The following BMPR1B variants were observed in gnomAD, a reference collection of about 807,000 sequenced individuals.
The protein encoded by BMPR1B is bone morphogenetic protein receptor type-1B.
Under a neutral mutation model 59.1 loss-of-function variants are expected in BMPR1B, and 12 were observed. The observed-to-expected ratio is 0.20, with a 90% CI of 0.13 to 0.33. BMPR1B has a LOEUF of 0.33. Ranked by LOEUF, BMPR1B falls within the 10% of genes least tolerant of loss-of-function variation. The pLI is 1.00. For missense variants in BMPR1B, 550 were observed against 610.9 expected (o/e 0.90, Z 1.05); for synonymous variants, 237 against 207.3 (o/e 1.14, Z -1.23).
chr4:94,844,833 T>G (rs556982063), intron 1 of BMPR1B, among the ~76,000 whole-genome samples: 53 of 152,350 alleles, frequency 3.5e-4, no homozygotes, highest in African/African-American at 1.3e-3. Context: ...ACTGGATAAT[T>G]GTCAGTGAAT....
chr4:94,950,470 G>A (rs779668659), intron 2 of BMPR1B, among the ~76,000 whole-genome samples: 5 of 152,102 alleles, frequency 3.3e-5, no homozygotes, highest in African/African-American at 7.2e-5. Context: ...TTTTGTTTAA[G>A]GTGTAAGGAA....
intron 3 of BMPR1B, among the ~76,000 whole-genome samples, chr4:95,019,070 A>G (rs1330527669): frequency 3.9e-5 from 6 of 152,148 alleles, no homozygotes; most frequent in East Asian, 1.9e-4. Context: ...AAGTTTTGCA[A>G]CTGTCGAATA....
In BMPR1B at chr4:94,882,230, C is replaced by T. The variant is rs141259216; in HGVS notation, c.-113+6330C>T. 3.9e-5 allele frequency among the ~76,000 whole-genome samples: 6 copies of T among 152,036 alleles called. No individual in the cohort carries two copies. The East Asian group carries it at 9.7e-4, about 25-fold the overall frequency. On this transcript the variant is annotated intron_variant, in intron 2 of 12. Coordinates refer to ENST00000515059, the MANE Select transcript of BMPR1B (RefSeq NM_001203.3). ...TTCCCCTTCCATAGAGGAATATTTT[C>T]TTCATAGCACGCAGAGGGAACATGA...
intron 3 of BMPR1B, among the ~76,000 whole-genome samples, chr4:95,099,817 C>A (rs1730696347): frequency 6.6e-6 from 1 of 152,110 alleles, no homozygotes; most frequent in Non-Finnish European, 1.5e-5. Flanking sequence ...TTAGGCATTA[C>A]CTTTGACTTT....
intron 8 of BMPR1B, among the ~76,000 whole-genome samples, chr4:95,127,610 G>A (rs1446971556): frequency 6.6e-6 from 1 of 151,978 alleles, no homozygotes; most frequent in Non-Finnish European, 1.5e-5. Flanking sequence ...ATTTCCCTGT[G>A]TATGAATTTG....
At chr4:95,134,783 T>C (rs1319932780) in intron 10 of BMPR1B, among the ~76,000 whole-genome samples, 1 of 152,216 alleles carries the variant, frequency 6.6e-6, no homozygotes, top group African/African-American at 2.4e-5. Context: ...GATGAGTAGA[T>C]TGCAAAGATT....
At chr4:94,993,826 T>C (rs1237514482) in intron 2 of BMPR1B, among the ~76,000 whole-genome samples, 2 of 147,696 alleles carry the variant, frequency 1.4e-5, no homozygotes. Flanking sequence ...TATTAAAATA[T>C]GTAAAAATTC....
intron 3 of BMPR1B, among the ~76,000 whole-genome samples, chr4:95,095,513 A>G (rs966370270): frequency 2.6e-5 from 4 of 152,158 alleles, no homozygotes; most frequent in African/African-American, 9.6e-5. Flanking sequence ...AAACTTGTGT[A>G]ATATGAATTT....
intron 2 of BMPR1B, among the ~76,000 whole-genome samples, chr4:94,954,124 GTTC>G (rs1397252730): frequency 6.6e-6 from 1 of 152,040 alleles, no homozygotes; most frequent in East Asian, 1.9e-4. Context: ...GGTCTTTTAT[GTTC>G]TTCTCTAAAC....
intron 3 of BMPR1B, among the ~76,000 whole-genome samples, chr4:95,088,803 A>AT (rs374087605): frequency 6.6e-6 from 1 of 152,032 alleles, no homozygotes; most frequent in African/African-American, 2.4e-5. Context: ...GAAAAAAAAA[A>AT]GCTATGAGAC....
Position 95,087,655 on chromosome 4 carries a change from A to G in BMPR1B, c.-17-16753A>G, listed in dbSNP as rs577842820. ...GCTGAGGTGGGAGGATCACTTAAGC[A>G]CGGGAGATTGAGGCTGCAGTTAGCT... On this transcript the variant is annotated intron_variant, in intron 3 of 12. Coordinates refer to ENST00000515059, the MANE Select transcript of BMPR1B (RefSeq NM_001203.3). Among the ~76,000 whole-genome samples the G allele has an allele frequency of 3.5e-3, 536 of 152,198 alleles. 1 individual carries two copies. Among genetic ancestry groups the G allele is most frequent in the Non-Finnish European group, 6.1e-3 (418 of 67,990 alleles).
At chr4:94,818,816 A>G (rs539193601) in intron 1 of BMPR1B, among the ~76,000 whole-genome samples, 1 of 152,262 alleles carries the variant, frequency 6.6e-6, no homozygotes, top group South Asian at 2.1e-4. Context: ...GATGTATAGA[A>G]AAGAATATCA....
At chr4:95,094,801 A>G (rs1208610755) in intron 3 of BMPR1B, among the ~76,000 whole-genome samples, 1 of 152,104 alleles carries the variant, frequency 6.6e-6, no homozygotes, top group Non-Finnish European at 1.5e-5. Flanking sequence ...TCACTCCTGC[A>G]TAGCATGTCC....
At chr4:95,073,298 G>A (rs1728460632) in intron 3 of BMPR1B, among the ~76,000 whole-genome samples, 1 of 152,130 alleles carries the variant, frequency 6.6e-6, no homozygotes, top group African/African-American at 2.4e-5. Flanking sequence ...TGGCAACTAG[G>A]AAACATTCAA....
At chr4:94,824,608 A>G (rs1328177671) in intron 1 of BMPR1B, among the ~76,000 whole-genome samples, 4 of 152,214 alleles carry the variant, frequency 2.6e-5, no homozygotes, top group African/African-American at 9.6e-5. Context: ...TTTACTGTCT[A>G]TATGACATTT....
chr4:95,070,413 G>A (rs915815568), intron 3 of BMPR1B, among the ~76,000 whole-genome samples: 17 of 152,124 alleles, frequency 1.1e-4, no homozygotes, highest in African/African-American at 2.9e-4. Context: ...GGTGGATGGC[G>A]GTGATGTTCA....
intron 3 of BMPR1B, among the ~76,000 whole-genome samples, chr4:95,076,046 A>C (rs2149226987): frequency 6.6e-6 from 1 of 152,308 alleles, no homozygotes; most frequent in South Asian, 2.1e-4. Flanking sequence ...AATGTACAGA[A>C]GACATTCAAA....
At chr4:95,079,483 G>T (rs1728957548) in intron 3 of BMPR1B, among the ~76,000 whole-genome samples, 1 of 152,098 alleles carries the variant, frequency 6.6e-6, no homozygotes, top group South Asian at 2.1e-4. Flanking sequence ...ACATAAGAAA[G>T]ATACTTTCAG....
chr4:95,083,278 A>G (rs955726801), intron 3 of BMPR1B, among the ~76,000 whole-genome samples: 1 of 152,074 alleles, frequency 6.6e-6, no homozygotes, highest in African/African-American at 2.4e-5. Flanking sequence ...CCTCTTTGGC[A>G]AGAACTGTCC....
Sources: allele counts gnomAD v4.1 joint callset (sites outside exome capture counted in the v4.1 genomes callset), GRCh38; gene constraint gnomAD v4.1.1; transcripts MANE v1.5; gene names NCBI Gene and HGNC (gene_info 2026-07-23, HGNC 2026-07-21).